VTI1A: variants seen among roughly 807,000 people sequenced by gnomAD.
The protein encoded by VTI1A is vesicle transport through interaction with t-SNAREs homolog 1A.
Under a neutral mutation model 34.9 loss-of-function variants are expected in VTI1A, and 22 were observed. The ratio of observed to expected loss-of-function variants is 0.63; its 90% confidence interval spans 0.45 to 0.90. VTI1A has a LOEUF of 0.90. Ranked by LOEUF, VTI1A falls within the 40% of genes least tolerant of loss-of-function variation. VTI1A has a pLI of 0.00. For missense variants in VTI1A, 268 were observed against 275.6 expected, an observed-to-expected ratio of 0.97 and a Z score of 0.20; for synonymous variants, 87 against 97.3, an observed-to-expected ratio of 0.89 and a Z score of 0.62.
At chr10:112,718,715 T>C (rs967122796) in intron 7 of VTI1A, among the ~76,000 whole-genome samples, 4 of 152,222 alleles carry the variant, frequency 2.6e-5, no homozygotes, top group Admixed American at 6.5e-5. Flanking sequence ...GTAATAATAA[T>C]GCTACCCTTT....
At chr10:112,659,285 C>T (rs1246761871) in intron 5 of VTI1A, among the ~76,000 whole-genome samples, 9 of 152,188 alleles carry the variant, frequency 5.9e-5, no homozygotes, top group Non-Finnish European at 1.3e-4. Context: ...GCTTCATCTC[C>T]TGGCTTTTTA....
chr10:112,496,902 T>G (rs931194817), intron 3 of VTI1A, among the ~76,000 whole-genome samples: 1 of 152,200 alleles, frequency 6.6e-6, no homozygotes, highest in Non-Finnish European at 1.5e-5. Flanking sequence ...ATGTTTAAAG[T>G]AAGTTGCCTT....
intron 5 of VTI1A, among the ~76,000 whole-genome samples, chr10:112,609,040 A>G (rs899177603): frequency 6.6e-6 from 1 of 152,220 alleles, no homozygotes; most frequent in African/African-American, 2.4e-5. Flanking sequence ...ATCGAAATCT[A>G]TAGAAATAAT....
chr10:112,618,441 A>G (rs913893745), intron 5 of VTI1A, among the ~76,000 whole-genome samples: 1 of 146,206 alleles, frequency 6.8e-6, no homozygotes. Context: ...GCATTCCAAG[A>G]TCTTAGAGCC....
At chr10:112,447,559 C>CGCGAG in intron 1 of VTI1A, 92 bp downstream of exon 1, 1 of 1,431,710 alleles carries the variant, frequency 7.0e-7, no homozygotes, top group African/African-American at 1.4e-5. Flanking sequence ...GTCTATGAGG[C>CGCGAG]GCGAGGCTGG....
chr10:112,850,328 C>T, the VTI1A span, among the ~76,000 whole-genome samples: 5 of 144,604 alleles, frequency 3.5e-5, no homozygotes, highest in African/African-American at 1.0e-4. Context: ...TAGTGGTTTT[C>T]GAACTATGTG....
chr10:112,841,038 CA>C, the VTI1A span, among the ~76,000 whole-genome samples: 2 of 152,186 alleles, frequency 1.3e-5, no homozygotes, highest in Non-Finnish European at 2.9e-5. Context: ...CCATCTCAGC[CA>C]GCACCAAAGT....
At chr10:112,464,959 G>T (rs989316076) in intron 3 of VTI1A, among the ~76,000 whole-genome samples, 10 of 152,218 alleles carry the variant, frequency 6.6e-5, no homozygotes, top group African/African-American at 2.4e-4. Context: ...GCCTTTCAGG[G>T]TTTGGAGCCT....
At chr10:112,500,558 T>G (rs1036289819) in intron 3 of VTI1A, among the ~76,000 whole-genome samples, 1 of 152,226 alleles carries the variant, frequency 6.6e-6, no homozygotes, top group African/African-American at 2.4e-5. Context: ...TCTGGAAAAT[T>G]TGGAAATAGC....
intron 5 of VTI1A, among the ~76,000 whole-genome samples, chr10:112,597,630 C>A (rs1002320546): frequency 6.7e-6 from 1 of 149,910 alleles, no homozygotes; most frequent in Non-Finnish European, 1.5e-5. Flanking sequence ...CTGCAGTGAG[C>A]TATGATTGCA....
chr10:112,469,768 C>T lies in VTI1A; in HGVS notation c.264+5111C>T, dbSNP rs1023058684. Among the ~76,000 whole-genome samples, 4 of 152,338 alleles carry T rather than the reference C, an allele frequency of 2.6e-5. No individual in the cohort carries two copies. In the South Asian group the frequency reaches 6.2e-4, roughly 24 times the overall value. ...TGTTCTCTGTGAGACCTCGTGGGGTCCCATCCTCTACATATGCAAGTTCAT... is the reference window on the plus strand; with the variant it reads ...TGTTCTCTGTGAGACCTCGTGGGGTTCCATCCTCTACATATGCAAGTTCAT... On this transcript the variant is annotated intron_variant, in intron 3 of 7. Coordinates refer to ENST00000393077, the MANE Select transcript of VTI1A (RefSeq NM_145206.4).
intron 3 of VTI1A, among the ~76,000 whole-genome samples, chr10:112,518,626 T>TGTGTATATATATGTGTATATAC (rs1236349494): frequency 2.2e-5 from 3 of 136,734 alleles, no homozygotes; most frequent in African/African-American, 7.9e-5. Context: ...TGTGTGTGTA[T>TGTGTATATATATGTGTATATAC]GTGTATATAT....
At chr10:112,472,015 G>A (rs893163708) in intron 3 of VTI1A, among the ~76,000 whole-genome samples, 6 of 152,184 alleles carry the variant, frequency 3.9e-5, no homozygotes, top group Non-Finnish European at 8.8e-5. Flanking sequence ...GACATGGTGT[G>A]TTGAATGCTT....
At chr10:112,711,462 C>T (rs1484523627) in intron 7 of VTI1A, among the ~76,000 whole-genome samples, 1 of 152,182 alleles carries the variant, frequency 6.6e-6, no homozygotes, top group Non-Finnish European at 1.5e-5. Flanking sequence ...AGCATTCCTA[C>T]TACTAATAAT....
intron 3 of VTI1A, among the ~76,000 whole-genome samples, chr10:112,500,606 T>G (rs1044785731): frequency 2.6e-5 from 4 of 152,176 alleles, no homozygotes; most frequent in Non-Finnish European, 4.4e-5. Context: ...GAACATATTT[T>G]GTCTGGGTCC....
rs201138581 is a variant in VTI1A at position 112,665,305 on chromosome 10, A to G, written c.428-2913A>G. On this transcript the variant is annotated intron_variant, in intron 5 of 7. Transcript: ENST00000393077. ...AGAAGAGTGGGCCCCACAGTGGGGG[A>G]AAAAAAAAAAAAGCCCACATAAGTT... is the stretch of plus-strand genomic sequence containing the variant. Among the ~76,000 whole-genome samples the G allele has an allele frequency of 3.1e-3, 234 of 75,408 alleles. 1 individual carries two copies. The highest frequency in any genetic ancestry group is 5.0e-3 in the African/African-American group (104 of 20,876). 49.5% of individuals were successfully genotyped at this position (75,408 alleles called of 152,430 possible).
At chr10:112,747,567 G>A (rs1473951598) in intron 7 of VTI1A, among the ~76,000 whole-genome samples, 1 of 152,204 alleles carries the variant, frequency 6.6e-6, no homozygotes, top group Non-Finnish European at 1.5e-5. Flanking sequence ...ACGTTGTTAG[G>A]TGGCCGATGA....
intron 5 of VTI1A, among the ~76,000 whole-genome samples, chr10:112,581,842 A>C (rs771783814): frequency 6.6e-5 from 10 of 152,246 alleles, no homozygotes; most frequent in Non-Finnish European, 1.3e-4. Context: ...ATAGTATCAC[A>C]ACCTAATATG....
the VTI1A span, chr10:112,827,235 G>A: frequency 1.3e-5 from 2 of 152,184 alleles, no homozygotes; most frequent in Non-Finnish European, 2.9e-5. Context: ...TCTTCTCCGT[G>A]TAACTGAGCG....
Sources: allele counts gnomAD v4.1 joint callset (sites outside exome capture counted in the v4.1 genomes callset), GRCh38; gene constraint gnomAD v4.1.1; transcripts MANE v1.5; gene names NCBI Gene and HGNC (gene_info 2026-07-23, HGNC 2026-07-21).